The following SCAPER variants were observed in gnomAD, a reference collection of about 807,000 sequenced individuals.
SCAPER encodes the protein S phase cyclin A-associated protein in the endoplasmic reticulum.
A neutral mutation model predicts 182.2 loss-of-function variants in SCAPER; 98 were observed. That is an observed-to-expected ratio of 0.54 (90% CI 0.46 to 0.64). The LOEUF is 0.64. Ranked by LOEUF, SCAPER falls within the 30% of genes least tolerant of loss-of-function variation. The probability of loss-of-function intolerance (pLI) is 0.00; values close to 1 mark genes in which losing one functional copy is unlikely to be tolerated. For synonymous variants in SCAPER, 605 were observed against 564.6 expected (o/e 1.07, Z -1.01); for missense variants, 1,432 against 1,690.0 (o/e 0.85, Z 2.68).
chr15:76,452,490 G>A lies in SCAPER; in HGVS notation c.3079-18180C>T, dbSNP rs114382857. Among the ~76,000 whole-genome samples, 864 of 152,320 alleles carry A rather than the reference G, an allele frequency of 5.7e-3. 7 individuals carry two copies. Among genetic ancestry groups the A allele is most frequent in the African/African-American group, 0.02 (835 of 41,570 alleles). On this transcript the variant is annotated intron_variant, in intron 25 of 31. Transcript: ENST00000563290. ...CCCCTTCGAGGAATTTTCATAGTAT[G>A]AGTTAGGTGTTTTAGAAATTCCTCT...
At chr15:76,821,856 C>G (rs1238784096) in intron 5 of SCAPER, among the ~76,000 whole-genome samples, 2 of 151,698 alleles carry the variant, frequency 1.3e-5, no homozygotes, top group East Asian at 3.9e-4. Flanking sequence ...CCAGCTTGGG[C>G]AACACAGTAA....
At chr15:76,666,501 T>C (rs2056585806) in intron 20 of SCAPER, among the ~76,000 whole-genome samples, 1 of 152,188 alleles carries the variant, frequency 6.6e-6, no homozygotes, top group African/African-American at 2.4e-5. Flanking sequence ...CTTTCATACA[T>C]GCATGGCAAA....
intron 18 of SCAPER, among the ~76,000 whole-genome samples, chr15:76,705,294 A>T (rs1002380407): frequency 2.0e-5 from 3 of 151,454 alleles, no homozygotes; most frequent in Non-Finnish European, 4.4e-5. Context: ...AAACTATTGC[A>T]AGGACAAAAA....
chr15:76,793,799 G>C (rs549868424), intron 8 of SCAPER, among the ~76,000 whole-genome samples: 1 of 152,318 alleles, frequency 6.6e-6, no homozygotes, highest in South Asian at 2.1e-4. Flanking sequence ...TAGCTAGTTG[G>C]TCAGAGCACA....
chr15:76,370,291 A>ATTTTTTTTTTTTTTTTTTTTTTTTTT (rs10524497), intron 29 of SCAPER, among the ~76,000 whole-genome samples: 3 of 119,460 alleles, frequency 2.5e-5, no homozygotes, highest in African/African-American at 7.4e-5. Context: ...TACCATTTCA[A>ATTTTTTTTTTTTTTTTTTTTTTTTTT]TTTTTTTTTT....
At chr15:76,661,210 C>T (rs1025487444) in intron 21 of SCAPER, among the ~76,000 whole-genome samples, 1 of 151,878 alleles carries the variant, frequency 6.6e-6, no homozygotes, top group African/African-American at 2.4e-5. Flanking sequence ...ACCCAAAACT[C>T]AAAACCATAA....
intron 4 of SCAPER, among the ~76,000 whole-genome samples, chr15:76,856,480 GTATA>G (rs954076996): frequency 6.6e-6 from 1 of 150,430 alleles, no homozygotes; most frequent in Non-Finnish European, 1.5e-5. Flanking sequence ...GTGCATATAA[GTATA>G]TATTTTTATA....
chr15:76,812,336 A>G (rs895210989), intron 5 of SCAPER, among the ~76,000 whole-genome samples: 6 of 152,152 alleles, frequency 3.9e-5, no homozygotes, highest in African/African-American at 1.4e-4. Flanking sequence ...ACAAAAAACA[A>G]AAATTAGCTG....
intron 23 of SCAPER, among the ~76,000 whole-genome samples, chr15:76,507,088 G>A (rs567452774): frequency 1.3e-5 from 2 of 152,210 alleles, no homozygotes; most frequent in East Asian, 3.9e-4. Flanking sequence ...CATATGTGGA[G>A]GTCCCAACCC....
chr15:76,794,571 A>T (rs2065201669), intron 8 of SCAPER, among the ~76,000 whole-genome samples: 1 of 152,246 alleles, frequency 6.6e-6, no homozygotes, highest in South Asian at 2.1e-4. Flanking sequence ...GCAATAAAAC[A>T]TTTCTTTCTG....
At chr15:76,695,891 A>C (rs2058634472) in intron 20 of SCAPER, among the ~76,000 whole-genome samples, 1 of 152,228 alleles carries the variant, frequency 6.6e-6, no homozygotes, top group Admixed American at 6.5e-5. Flanking sequence ...AGTCAATGGA[A>C]GCTATGCCTT....
At chr15:76,675,075 A>G (rs2057287753) in intron 20 of SCAPER, among the ~76,000 whole-genome samples, 1 of 152,220 alleles carries the variant, frequency 6.6e-6, no homozygotes, top group East Asian at 1.9e-4. Context: ...GGCAGGATTT[A>G]CCACAAGTTT....
At chr15:76,588,858 T>C (rs1031727749) in intron 22 of SCAPER, among the ~76,000 whole-genome samples, 1 of 152,146 alleles carries the variant, frequency 6.6e-6, no homozygotes, top group African/African-American at 2.4e-5. Context: ...TGGTTCTTTT[T>C]CATTTGGGTA....
In SCAPER at chr15:76,900,721, G is replaced by A. The variant is rs144612897; in HGVS notation, c.-60+4578C>T. Among the ~76,000 whole-genome samples, 264 of 152,306 alleles carry A rather than the reference G, an allele frequency of 1.7e-3. 1 individual carries two copies. Among genetic ancestry groups the A allele is most frequent in the African/African-American group, 6.0e-3 (251 of 41,568 alleles). ...GCATATCTTTTCTTTATCCAAGTTT[G>A]GGTACACAGGTTGTAAAAGAGCAAG... On this transcript the variant is annotated intron_variant, in intron 1 of 31. Transcript: ENST00000563290.
At chr15:76,495,545 T>A (rs1372229439) in intron 24 of SCAPER, among the ~76,000 whole-genome samples, 1 of 121,718 alleles carries the variant, frequency 8.2e-6, no homozygotes, top group Non-Finnish European at 1.6e-5. Flanking sequence ...GCCACTGCTC[T>A]CCAGCCTGGG....
At chr15:76,838,295 CA>C (rs1415191108) in intron 5 of SCAPER, among the ~76,000 whole-genome samples, 5 of 152,136 alleles carry the variant, frequency 3.3e-5, no homozygotes, top group African/African-American at 9.7e-5. Flanking sequence ...CAAACTAATG[CA>C]GTAATAGAAA....
chr15:76,418,371 C>T (rs1022421385), intron 26 of SCAPER, among the ~76,000 whole-genome samples: 5 of 152,178 alleles, frequency 3.3e-5, no homozygotes, highest in South Asian at 4.1e-4. Context: ...ACCACAAATG[C>T]CAGCAAATCT....
intron 22 of SCAPER, among the ~76,000 whole-genome samples, chr15:76,576,413 T>C (rs1296378404): frequency 6.6e-6 from 1 of 152,180 alleles, no homozygotes; most frequent in Non-Finnish European, 1.5e-5. Flanking sequence ...TTCATGTACA[T>C]GATCTTATTT....
chr15:76,436,800 CT>C (rs2047228657), intron 25 of SCAPER, among the ~76,000 whole-genome samples: 1 of 152,176 alleles, frequency 6.6e-6, no homozygotes, highest in Non-Finnish European at 1.5e-5. Flanking sequence ...TGAATACAAA[CT>C]TCTGTGTGAG....
Sources: allele counts gnomAD v4.1 joint callset (sites outside exome capture counted in the v4.1 genomes callset), GRCh38; gene constraint gnomAD v4.1.1; transcripts MANE v1.5; gene names NCBI Gene and HGNC (gene_info 2026-07-23, HGNC 2026-07-21).